The following GRIN2A variants were observed in gnomAD, a reference collection of about 807,000 sequenced individuals.
GRIN2A encodes the protein glutamate receptor ionotropic, NMDA 2A.
In GRIN2A, 22 loss-of-function variants were observed where a neutral mutation model predicts 113.4. The ratio of observed to expected loss-of-function variants is 0.19; its 90% CI spans 0.14 to 0.28. GRIN2A has a LOEUF of 0.28. GRIN2A is among the 10% of genes least tolerant of loss of function. The pLI, the probability that GRIN2A is intolerant of heterozygous loss-of-function variation, is 1.00. For synonymous variants in GRIN2A, 827 were observed against 738.4 expected (o/e 1.12, Z -1.94); for missense variants, 1,502 against 1,887.0 (o/e 0.80, Z 3.78).
At chr16:10,036,542 G>A (rs1259109030) in intron 2 of GRIN2A, among the ~76,000 whole-genome samples, 6 of 130,028 alleles carry the variant, frequency 4.6e-5, no homozygotes, top group African/African-American at 1.2e-4. Context: ...CATTGCAAAC[G>A]CCATTCTCCT....
chr16:9,926,554 C>T lies in GRIN2A; in HGVS notation c.1007+11405G>A, dbSNP rs1159630860. Among the ~76,000 whole-genome samples the T allele has an allele frequency of 7.2e-5, 11 of 152,156 alleles. No homozygotes were observed. In the East Asian group the frequency reaches 2.1e-3, roughly 29 times the overall value. ...TCTCTGGAGGTGAGCTATCAAAACT[C>T]CCTGTTATTGCTCATTCTAATATCT... On this transcript the variant is annotated intron_variant, in intron 3 of 12. Transcript: ENST00000330684.
intron 4 of GRIN2A, among the ~76,000 whole-genome samples, chr16:9,862,793 T>TA (rs1030099533): frequency 1.3e-5 from 2 of 152,218 alleles, no homozygotes; most frequent in East Asian, 1.9e-4. Flanking sequence ...TCAGCAAAAA[T>TA]AAAAAAGGAG....
intron 2 of GRIN2A, among the ~76,000 whole-genome samples, chr16:10,101,878 A>C (rs1263680251): frequency 6.6e-6 from 1 of 152,192 alleles, no homozygotes; most frequent in Non-Finnish European, 1.5e-5. Flanking sequence ...GTTTGGGAAA[A>C]TCTATTCAAA....
chr16:10,088,977 A>T (rs547964934), intron 2 of GRIN2A, among the ~76,000 whole-genome samples: 1 of 152,334 alleles, frequency 6.6e-6, no homozygotes, highest in Non-Finnish European at 1.5e-5. Context: ...TATTGTCTGT[A>T]TGACGTTGAG....
chr16:10,057,087 A>T (rs1596467721), intron 2 of GRIN2A, among the ~76,000 whole-genome samples: 1 of 151,818 alleles, frequency 6.6e-6, no homozygotes, highest in Admixed American at 6.6e-5. Flanking sequence ...CCATCCAACC[A>T]TGCATCCATC....
At chr16:9,976,524 T>C (rs968008976) in intron 2 of GRIN2A, among the ~76,000 whole-genome samples, 2 of 152,148 alleles carry the variant, frequency 1.3e-5, no homozygotes, top group Admixed American at 1.3e-4. Context: ...CTCTTTAAAG[T>C]TGGCGTTTGA....
intron 2 of GRIN2A, among the ~76,000 whole-genome samples, chr16:10,134,788 G>A (rs150791082): frequency 1.3e-5 from 2 of 152,138 alleles, no homozygotes; most frequent in Admixed American, 6.5e-5. Flanking sequence ...GACAAAAAAT[G>A]GTTCTTCACA....
rs141448468 is a variant in GRIN2A at position 9,940,647 on chromosome 16, G to A, written c.415-2096C>T. 3.1e-3 allele frequency among the ~76,000 whole-genome samples: 470 copies of A among 152,262 alleles called. 4 individuals carry two copies. Among genetic ancestry groups the A allele is most frequent in the African/African-American group, 0.011 (446 of 41,554 alleles). ...GGTTAAGACCAGAAATGGAAAGAAT[G>A]GGAATTCAGTATCTGAGATTGTATT... On this transcript the variant is annotated intron_variant, in intron 2 of 12. Transcript: ENST00000330684.
chr16:10,047,977 C>G lies in GRIN2A; in HGVS notation c.415-109426G>C, dbSNP rs541978923. The stretch of plus-strand genomic sequence containing the variant: ...CCTCCTGTCTCCCCTGCCTGTGACC[C>G]CCCTACATGTCCCAGATAAACTAGG... On this transcript the variant is annotated intron_variant, in intron 2 of 12. Transcript: ENST00000330684. Among the ~76,000 whole-genome samples, 272 of 152,272 alleles carry G rather than the reference C, an allele frequency of 1.8e-3. 1 individual carries two copies. The highest frequency in any genetic ancestry group is 5.8e-3 in the African/African-American group (243 of 41,548).
intron 10 of GRIN2A, among the ~76,000 whole-genome samples, chr16:9,806,661 G>T (rs1384927976): frequency 2.6e-5 from 4 of 151,814 alleles, no homozygotes; most frequent in Non-Finnish European, 5.9e-5. Context: ...AAAACGATGA[G>T]AAAGAGAAAG....
At chr16:9,948,762 C>T (rs1057382934) in intron 2 of GRIN2A, among the ~76,000 whole-genome samples, 1 of 152,184 alleles carries the variant, frequency 6.6e-6, no homozygotes, top group African/African-American at 2.4e-5. Flanking sequence ...TGAAGCCATC[C>T]AGGAACGAGA....
chr16:10,165,402 C>T (rs889952124), intron 2 of GRIN2A, among the ~76,000 whole-genome samples: 2 of 150,816 alleles, frequency 1.3e-5, no homozygotes, highest in South Asian at 2.1e-4. Flanking sequence ...CTTTATACTG[C>T]CCTGATTCTC....
At chr16:9,943,818 C>T (rs1227558548) in intron 2 of GRIN2A, among the ~76,000 whole-genome samples, 1 of 152,202 alleles carries the variant, frequency 6.6e-6, no homozygotes, top group East Asian at 1.9e-4. Flanking sequence ...AAAGAATAAC[C>T]TATGCATTGT....
intron 4 of GRIN2A, among the ~76,000 whole-genome samples, chr16:9,865,248 A>T (rs2043143001): frequency 6.6e-6 from 1 of 152,158 alleles, no homozygotes; most frequent in African/African-American, 2.4e-5. Flanking sequence ...TTGGGATGGG[A>T]TGGATAAGAC....
Position 9,754,705 on chromosome 16 carries a change from G to C in GRIN2A, c.*8444C>G, listed in dbSNP as rs1900287380. 9.1e-6 allele frequency: 2 copies of C among 219,350 alleles called. No individual in the cohort carries two copies. Among genetic ancestry groups the C allele is most frequent in the Admixed American group, 5.8e-5 (1 of 17,282 alleles). 13.6% of individuals were successfully genotyped at this position (219,350 alleles called of 1,614,324 possible). A position where few individuals can be genotyped will look rare whatever the true frequency, so the allele number is the denominator to read the frequency against. Reference sequence around the variant, plus strand: ...CATTCACTTGAATTAGCTTGACTGAGAACAGAAATAATTAAATAAGTCTTA... The same window carrying C: ...CATTCACTTGAATTAGCTTGACTGACAACAGAAATAATTAAATAAGTCTTA... On this transcript the variant is annotated 3_prime_UTR_variant, in exon 13 of 13. Coordinates refer to ENST00000330684, the MANE Select transcript of GRIN2A (RefSeq NM_001134407.3).
chr16:10,129,956 G>C (rs1437779904), intron 2 of GRIN2A, among the ~76,000 whole-genome samples: 2 of 152,204 alleles, frequency 1.3e-5, no homozygotes, highest in Non-Finnish European at 2.9e-5. Context: ...TCTGTGTTAA[G>C]GGCAGAGCTA....
At chr16:10,008,238 C>T (rs1369126711) in intron 2 of GRIN2A, among the ~76,000 whole-genome samples, 1 of 152,176 alleles carries the variant, frequency 6.6e-6, no homozygotes, top group African/African-American at 2.4e-5. Context: ...TTGGATATCC[C>T]ATGGCTATGC....
chr16:9,898,377 T>A (rs1022347927), intron 3 of GRIN2A, among the ~76,000 whole-genome samples: 1 of 152,202 alleles, frequency 6.6e-6, no homozygotes, highest in African/African-American at 2.4e-5. Flanking sequence ...ATGGGCTGCA[T>A]AAGCTTCTTT....
chr16:10,074,787 G>A (rs548311751), intron 2 of GRIN2A, among the ~76,000 whole-genome samples: 1 of 152,312 alleles, frequency 6.6e-6, no homozygotes, highest in South Asian at 2.1e-4. Context: ...TTTTGGAACT[G>A]TTCTAGAATT....
Sources: allele counts gnomAD v4.1 joint callset (sites outside exome capture counted in the v4.1 genomes callset), GRCh38; gene constraint gnomAD v4.1.1; transcripts MANE v1.5; gene names NCBI Gene and HGNC (gene_info 2026-07-23, HGNC 2026-07-21).